The following FAM193A variants were observed in gnomAD, a reference collection of about 807,000 sequenced individuals.
FAM193A encodes the protein protein FAM193A.
Under a neutral mutation model 126.5 loss-of-function variants are expected in FAM193A, and 22 were observed. The observed-to-expected ratio is 0.17, with a 90% CI of 0.12 to 0.25. FAM193A has a LOEUF of 0.25. FAM193A is among the 10% of genes least tolerant of loss of function. FAM193A has a pLI of 1.00. For synonymous variants in FAM193A, 761 were observed against 646.8 expected, an observed-to-expected ratio of 1.18 and a Z score of -2.68; for missense variants, 1,675 against 1,672.8, an observed-to-expected ratio of 1.00 and a Z score of -0.02.
intron 20 of FAM193A, among the ~76,000 whole-genome samples, chr4:2,730,791 G>A (rs1721291024): frequency 1.3e-5 from 2 of 152,160 alleles, no homozygotes; most frequent in African/African-American, 2.4e-5. Context: ...TATTTGGGAA[G>A]CTGAGGCAGG....
At chr4:2,640,804 A>C (rs1744541948) in intron 6 of FAM193A, among the ~76,000 whole-genome samples, 1 of 151,984 alleles carries the variant, frequency 6.6e-6, no homozygotes, top group Non-Finnish European at 1.5e-5. Context: ...GTCTCTACTA[A>C]AAATATAAAA....
intron 7 of FAM193A, among the ~76,000 whole-genome samples, chr4:2,657,248 C>T (rs1443657361): frequency 1.3e-5 from 2 of 148,634 alleles, no homozygotes; most frequent in Non-Finnish European, 3.1e-5. Flanking sequence ...CTTTTTCCCC[C>T]TTTTTCAGCC....
intron 13 of FAM193A, among the ~76,000 whole-genome samples, chr4:2,674,935 G>T (rs1714230776): frequency 6.6e-6 from 1 of 152,128 alleles, no homozygotes; most frequent in South Asian, 2.1e-4. Context: ...TATATATGGA[G>T]TATAAGTTAT....
rs368845434 is a variant in FAM193A at position 2,639,842 on chromosome 4, A to C, written c.1146A>C (p.Ala382=). The change falls in exon 6 of 21, where the codon GCA becomes GCC. Residue 382 remains alanine, a synonymous_variant. Coordinates refer to ENST00000637812, the MANE Select transcript of FAM193A (RefSeq NM_001366318.2). Reference sequence around the variant, plus strand: ...CACTTCTTCAGAGCAACTTGCCCGCACTGGTGTCACAGATCAGGTATTTTG... The same window carrying C: ...CACTTCTTCAGAGCAACTTGCCCGCCCTGGTGTCACAGATCAGGTATTTTG... The part of the protein sequence containing the change: ...SEPLLQSNLP[A]LVSQIRLGTT... The C allele has an allele frequency of 2.5e-5, 41 of 1,613,866 alleles. No homozygotes were observed. Among genetic ancestry groups the C allele is most frequent in the Non-Finnish European group, 3.3e-5 (39 of 1,179,962 alleles).
rs751970054 is a variant in FAM193A, at chr4:2,672,186, A to G, written c.2145A>G (p.Pro715=). 1 of 1,614,194 alleles carries G rather than the reference A, an allele frequency of 6.2e-7. No homozygotes were observed. The highest frequency in any genetic ancestry group is 1.7e-5 in the Admixed American group (1 of 60,020). ...AGCAGGAAGCTTCTGGACTGACACC[A>G]TCTGCAATGACAGCCGGAGCCCTTC... is the stretch of plus-strand genomic sequence containing the variant. ...VCKQEASGLT[P]SAMTAGALPP... is the part of the protein sequence containing the mutation. Residue 715 remains proline (P), a synonymous_variant, in exon 13 of 21, where the codon CCA becomes CCG. Transcript: ENST00000637812.
At chr4:2,547,588 A>G (rs1020166274) in intron 1 of FAM193A, among the ~76,000 whole-genome samples, 5 of 147,188 alleles carry the variant, frequency 3.4e-5, no homozygotes, top group South Asian at 2.2e-4. Flanking sequence ...TGACCTTAGT[A>G]TGTGTGTGTG....
chr4:2,670,459 CTT>C (rs536197759), intron 12 of FAM193A, among the ~76,000 whole-genome samples: 2 of 149,726 alleles, frequency 1.3e-5, no homozygotes, highest in Non-Finnish European at 3.0e-5. Context: ...GTGGGTCACA[CTT>C]TTTTTTTTCC....
intron 19 of FAM193A, among the ~76,000 whole-genome samples, chr4:2,710,161 G>GTTTTT (rs796903801): frequency 5.6e-4 from 51 of 91,818 alleles, no homozygotes; most frequent in Middle Eastern, 7.2e-3. Context: ...TTCTTCTTTT[G>GTTTTT]TTTTTTTTTT....
Position 2,604,315 on chromosome 4 carries a change from C to G in FAM193A, c.501+7986C>G, listed in dbSNP as rs572929186. ...TTTGTGCTGGAAAATAATGTTTTCT[C>G]TGGGTTTAGGTGGAAGGCTCAGGAC... On this transcript the variant is annotated intron_variant, in intron 2 of 20. Transcript: ENST00000637812. Among the ~76,000 whole-genome samples, 3 of 152,212 alleles carry G rather than the reference C, an allele frequency of 2.0e-5. No homozygotes were observed. In the East Asian group the frequency reaches 5.8e-4, roughly 29 times the overall value.
chr4:2,712,186 C>CTGTG (rs111716417), intron 19 of FAM193A, among the ~76,000 whole-genome samples: 3 of 151,862 alleles, frequency 2.0e-5, no homozygotes, highest in East Asian at 1.9e-4. Flanking sequence ...ATAGAGTTCA[C>CTGTG]TGTGTGTGTG....
At chr4:2,554,867 C>T (rs1294724172) in intron 1 of FAM193A, among the ~76,000 whole-genome samples, 1 of 152,098 alleles carries the variant, frequency 6.6e-6, no homozygotes, top group East Asian at 1.9e-4. Flanking sequence ...TCGCTTTTGT[C>T]TGATACTACT....
intron 1 of FAM193A, among the ~76,000 whole-genome samples, chr4:2,558,123 T>G (rs146185595): frequency 1.3e-5 from 2 of 151,864 alleles, no homozygotes; most frequent in Admixed American, 1.3e-4. Flanking sequence ...AATATGAAAG[T>G]TAGCTGAGTG....
intron 2 of FAM193A, chr4:2,607,852 C>A: frequency 1.6e-6 from 1 of 615,042 alleles, no homozygotes. Context: ...CACTCAGTAG[C>A]AGCTCTTTAT....
At chr4:2,667,557 A>G (rs1359981234) in intron 12 of FAM193A, among the ~76,000 whole-genome samples, 2 of 152,124 alleles carry the variant, frequency 1.3e-5, no homozygotes, top group African/African-American at 4.8e-5. Flanking sequence ...ATCATTATGA[A>G]ATGTTTGACT....
intron 19 of FAM193A, among the ~76,000 whole-genome samples, chr4:2,701,335 C>G (rs944762435): frequency 9.3e-5 from 14 of 150,426 alleles, no homozygotes; most frequent in African/African-American, 1.9e-4. Flanking sequence ...GGGATCCAAT[C>G]CAGGATCCCA....
intron 2 of FAM193A, chr4:2,608,210 T>A: frequency 3.0e-6 from 4 of 1,313,078 alleles, no homozygotes; most frequent in Non-Finnish European, 4.3e-6. Context: ...TTCGAGACGG[T>A]CGGTCTCGCC....
chr4:2,701,319 T>C (rs1717709995), intron 19 of FAM193A, among the ~76,000 whole-genome samples: 1 of 151,510 alleles, frequency 6.6e-6, no homozygotes, highest in African/African-American at 2.4e-5. Context: ...TTGTTTCTCC[T>C]GACATGGGAT....
chr4:2,559,807 G>A (rs1210722962), intron 1 of FAM193A, among the ~76,000 whole-genome samples: 9 of 152,232 alleles, frequency 5.9e-5, no homozygotes, highest in East Asian at 3.9e-4. Context: ...CTTGCCGTTC[G>A]CTTCCTTTTG....
In FAM193A at chr4:2,635,242, T is replaced by G. The variant is rs1017679671; in HGVS notation, c.1038+4073T>G. Among the ~76,000 whole-genome samples, 14 of 152,354 alleles carry G rather than the reference T, an allele frequency of 9.2e-5. No homozygotes were observed. In the South Asian group the frequency reaches 2.9e-3, roughly 32 times the overall value. ...ATTATTACACTGCCATCCAGTGATC[T>G]ATGCAGCACCAGCTTAAGATAAACT... On this transcript the variant is annotated intron_variant, in intron 5 of 20. Coordinates refer to ENST00000637812, the MANE Select transcript of FAM193A (RefSeq NM_001366318.2).
Sources: gnomAD v4.1 joint callset for allele counts (sites outside exome capture counted in the v4.1 genomes callset) on GRCh38, gnomAD v4.1.1 for gene constraint, MANE v1.5 for transcripts, NCBI Gene and HGNC (gene_info 2026-07-23, HGNC 2026-07-21) for gene names.